Variants in GUCY1B1 observed in about 807,000 individuals in gnomAD.
GUCY1B1 encodes the protein guanylate cyclase 1 soluble subunit beta 1.
A neutral mutation model predicts 71.0 loss-of-function variants in GUCY1B1; 43 were observed. The ratio of observed to expected loss-of-function variants is 0.61; its 90% CI spans 0.47 to 0.78. The LOEUF is 0.78. GUCY1B1 is among the 30% of genes least tolerant of loss of function. GUCY1B1 has a pLI of 0.00. For synonymous variants in GUCY1B1, 266 were observed against 259.7 expected (o/e 1.02, Z -0.23); for missense variants, 535 against 754.1 (o/e 0.71, Z 3.40).
chr4:155,785,273 T>G, intron 4 of GUCY1B1: 2 of 1,418,938 alleles, frequency 1.4e-6, no homozygotes, highest in Non-Finnish European at 1.9e-6. Flanking sequence ...GAAGAATGAA[T>G]CAAAGCATAT....
chr4:155,801,656 A>G (rs2111168842), intron 9 of GUCY1B1, among the ~76,000 whole-genome samples: 1 of 152,290 alleles, frequency 6.6e-6, no homozygotes, highest in East Asian at 1.9e-4. Context: ...CTTCCAATCC[A>G]GAGCCCATAG....
Position 155,799,887 on chromosome 4 carries a change from C to T in GUCY1B1, c.988C>T (p.Leu330=), listed in dbSNP as rs375934382. The change falls in exon 9 of 14, where the codon CTG becomes TTG. Residue 330 remains leucine, a synonymous_variant. Coordinates refer to ENST00000264424, the MANE Select transcript of GUCY1B1 (RefSeq NM_000857.5). ...LFLCSPSVMN[L]DDLTRRGLYL... is the part of the protein sequence containing the mutation. ...TTCTCCATATGACAGTGTCATGAACCTGGACGATTTGACAAGGAGAGGGCT... is the reference window on the plus strand; with the variant it reads ...TTCTCCATATGACAGTGTCATGAACTTGGACGATTTGACAAGGAGAGGGCT... 5.0e-5 allele frequency: 81 copies of T among 1,606,428 alleles called. No homozygotes were observed. In the African/African-American group the frequency reaches 1.0e-3, roughly 20 times the overall value.
intron 4 of GUCY1B1, among the ~76,000 whole-genome samples, chr4:155,782,537 C>G (rs537254399): frequency 1.0e-3 from 154 of 152,340 alleles, no homozygotes; most frequent in Admixed American, 2.2e-3. Context: ...CACCTCTACT[C>G]TCTAATGTCC....
chr4:155,775,578 G>A (rs1023038723), intron 3 of GUCY1B1, among the ~76,000 whole-genome samples: 4 of 152,186 alleles, frequency 2.6e-5, no homozygotes, highest in African/African-American at 4.8e-5. Flanking sequence ...GCAGGTGTGA[G>A]CCTCCACGCC....
intron 4 of GUCY1B1, among the ~76,000 whole-genome samples, chr4:155,786,359 C>T (rs1738769813): frequency 6.7e-6 from 1 of 149,034 alleles, no homozygotes; most frequent in African/African-American, 2.5e-5. Flanking sequence ...CTGCAACCTC[C>T]ACCTCCTGGG....
chr4:155,805,272 A>G (rs776504586), intron 13 of GUCY1B1, 43 bp downstream of exon 13: 5 of 1,510,240 alleles, frequency 3.3e-6, no homozygotes, highest in South Asian at 2.5e-5. Context: ...AAGACAGAGT[A>G]TAAGTATGGA....
intron 5 of GUCY1B1, 83 bp from the exon 6 acceptor site, chr4:155,793,773 T>C: frequency 4.4e-6 from 3 of 674,820 alleles, no homozygotes; most frequent in East Asian, 5.3e-5. Context: ...AAATGCAGTA[T>C]TCATAACTCA....
At chr4:155,793,026 T>G (rs902531930) in intron 5 of GUCY1B1, among the ~76,000 whole-genome samples, 4 of 152,192 alleles carry the variant, frequency 2.6e-5, no homozygotes, top group African/African-American at 9.7e-5. Context: ...CCCTCATCAG[T>G]GGTATTTGAG....
intron 11 of GUCY1B1, 39 bp from the exon 12 acceptor site, chr4:155,804,554 G>C: frequency 1.3e-6 from 2 of 1,536,714 alleles, no homozygotes; most frequent in African/African-American, 2.8e-5. Context: ...TCATGTGTTA[G>C]TGATCAAAAT....
intron 8 of GUCY1B1, among the ~76,000 whole-genome samples, chr4:155,796,911 G>A (rs1343339802): frequency 6.6e-6 from 1 of 152,126 alleles, no homozygotes; most frequent in Non-Finnish European, 1.5e-5. Flanking sequence ...CTTTTCTATA[G>A]TATGTTAGCA....
intron 4 of GUCY1B1, among the ~76,000 whole-genome samples, chr4:155,789,094 A>G (rs2111103057): frequency 6.6e-6 from 1 of 152,354 alleles, no homozygotes; most frequent in South Asian, 2.1e-4. Flanking sequence ...TTCAAAATGT[A>G]GTTATTTCAC....
rs762977665 is a variant in GUCY1B1 at position 155,796,407 on chromosome 4, T to A, written c.874T>A (p.Cys292Ser). ...EGLLDVEKLE[C>S]EDELTGTEIS... ...ATTGTTGGATGTGGAGAAATTAGAA[T>A]GTGAGGATGAACTGACTGGGACTGA... The change falls in exon 8 of 14, where the codon TGT becomes AGT. Residue 292 changes from cysteine to serine, a missense_variant. By Grantham distance (112) the Cys-to-Ser change is moderately radical (BLOSUM62 -1). Transcript: ENST00000264424. 1 of 1,613,468 alleles carries A rather than the reference T, an allele frequency of 6.2e-7. No individual in the cohort carries two copies. The highest frequency in any genetic ancestry group is 1.1e-5 in the South Asian group (1 of 91,056).
At chr4:155,777,370 G>T (rs1738123613) in intron 3 of GUCY1B1, among the ~76,000 whole-genome samples, 154 bp from the exon 4 acceptor site, 4 of 152,110 alleles carry the variant, frequency 2.6e-5, no homozygotes, top group South Asian at 4.1e-4. Context: ...TCATTGTATT[G>T]TCCTGGCGGG....
At chr4:155,794,570 T>C (rs1739417770) in intron 6 of GUCY1B1, among the ~76,000 whole-genome samples, 1 of 152,212 alleles carries the variant, frequency 6.6e-6, no homozygotes, top group African/African-American at 2.4e-5. Context: ...GGGATGATGA[T>C]GAGAAACTGC....
chr4:155,766,965 C>T lies in GUCY1B1; in HGVS notation c.77+7105C>T, dbSNP rs150932731. 6.0e-3 allele frequency among the ~76,000 whole-genome samples: 912 copies of T among 152,290 alleles called. 36 individuals are homozygous for T. The highest frequency in any genetic ancestry group is 0.055 in the Admixed American group (845 of 15,290). On this transcript the variant is annotated intron_variant, in intron 2 of 13. Transcript: ENST00000264424. ...CCTAGATGCTTTATACTCATTATCTCAGTTAATCCTCATCACCACCACAGA... is the reference window on the plus strand; with the variant it reads ...CCTAGATGCTTTATACTCATTATCTTAGTTAATCCTCATCACCACCACAGA...
intron 4 of GUCY1B1, among the ~76,000 whole-genome samples, chr4:155,778,731 T>C (rs1467356414): frequency 6.6e-6 from 1 of 152,208 alleles, no homozygotes; most frequent in Non-Finnish European, 1.5e-5. Context: ...CCAAGAGATA[T>C]TTAAATAAAA....
At chr4:155,761,143 G>A (rs959205893) in intron 2 of GUCY1B1, among the ~76,000 whole-genome samples, 2 of 152,162 alleles carry the variant, frequency 1.3e-5, no homozygotes, top group African/African-American at 4.8e-5. Context: ...CCGAGATTTG[G>A]CAAGTATGTG....
chr4:155,795,679 T>C (rs1579246182), intron 7 of GUCY1B1, among the ~76,000 whole-genome samples: 1 of 152,186 alleles, frequency 6.6e-6, no homozygotes, highest in East Asian at 1.9e-4. Flanking sequence ...TTTTAGAGAC[T>C]GTCTTTCTGA....
intron 2 of GUCY1B1, among the ~76,000 whole-genome samples, chr4:155,767,057 C>T (rs1737385839): frequency 6.6e-6 from 1 of 152,124 alleles, no homozygotes; most frequent in Non-Finnish European, 1.5e-5. Flanking sequence ...AAGCCTGCCT[C>T]AAACACTCAG....
Sources: allele counts gnomAD v4.1 joint callset (sites outside exome capture counted in the v4.1 genomes callset), GRCh38; gene constraint gnomAD v4.1.1; transcripts MANE v1.5; gene names NCBI Gene and HGNC (gene_info 2026-07-23, HGNC 2026-07-21).